The following PPP1R13B variants were observed in gnomAD, a reference collection of about 807,000 sequenced individuals.
PPP1R13B encodes protein phosphatase 1 regulatory subunit 13B.
In PPP1R13B, 44 loss-of-function variants were observed where a neutral mutation model predicts 119.8. That is an observed-to-expected ratio of 0.37 (90% confidence interval 0.29 to 0.47). The LOEUF (loss-of-function observed/expected upper bound fraction) is 0.47, where lower values mean the gene tolerates loss of function less well. PPP1R13B is among the 20% of genes least tolerant of loss of function. The pLI is 0.99. For missense variants in PPP1R13B, 1,227 were observed against 1,413.5 expected, an observed-to-expected ratio of 0.87 and a Z score of 2.12; for synonymous variants, 542 against 561.5, an observed-to-expected ratio of 0.97 and a Z score of 0.49.
intron 2 of PPP1R13B, among the ~76,000 whole-genome samples, chr14:103,795,905 A>T (rs1284075368): frequency 6.6e-6 from 1 of 152,194 alleles, no homozygotes; most frequent in Admixed American, 6.5e-5. Flanking sequence ...TTGCAAAAAA[A>T]TTGTAATTTA....
At chr14:103,765,677 T>C (rs2084920957) in intron 4 of PPP1R13B, among the ~76,000 whole-genome samples, 1 of 152,180 alleles carries the variant, frequency 6.6e-6, no homozygotes, top group South Asian at 2.1e-4. Context: ...CTGCCCACAG[T>C]GCCCTTCCCC....
intron 1 of PPP1R13B, among the ~76,000 whole-genome samples, chr14:103,827,888 C>T (rs759388928): frequency 6.6e-6 from 1 of 151,970 alleles, no homozygotes; most frequent in Non-Finnish European, 1.5e-5. Context: ...CTAGTTATCC[C>T]ACAGAAGCCT....
intron 3 of PPP1R13B, among the ~76,000 whole-genome samples, chr14:103,779,953 C>T (rs2085299303): frequency 6.6e-6 from 1 of 151,552 alleles, no homozygotes; most frequent in African/African-American, 2.4e-5. Flanking sequence ...AGTTTGAGAC[C>T]AGCCTGCCCG....
At chr14:103,767,237 C>T (rs1354885976) in intron 4 of PPP1R13B, among the ~76,000 whole-genome samples, 1 of 152,126 alleles carries the variant, frequency 6.6e-6, no homozygotes, top group African/African-American at 2.4e-5. Context: ...ACTGCTTGAG[C>T]CCGGGGTTCC....
intron 1 of PPP1R13B, among the ~76,000 whole-genome samples, chr14:103,806,538 G>C (rs1384218328): frequency 6.6e-6 from 1 of 152,114 alleles, no homozygotes; most frequent in African/African-American, 2.4e-5. Flanking sequence ...CTTTCCAGCA[G>C]GCCACGCACC....
At chr14:103,817,174 G>A (rs1312600486) in intron 1 of PPP1R13B, among the ~76,000 whole-genome samples, 1 of 152,140 alleles carries the variant, frequency 6.6e-6, no homozygotes, top group Non-Finnish European at 1.5e-5. Flanking sequence ...CAGGCCTTGT[G>A]GAATCTAAAT....
In PPP1R13B at chr14:103,746,086, G is replaced by A. The variant is rs113333260; in HGVS notation, c.1150+287C>T. ...CTCCCAAAGTGCTGGGATTACAGGC[G>A]TGAGCCACTGCACCCGGCCCATGGA... is the stretch of plus-strand genomic sequence containing the variant. On this transcript the variant is annotated intron_variant, in intron 9 of 16. Transcript: ENST00000202556. Among the ~76,000 whole-genome samples the A allele has an allele frequency of 3.5e-3, 533 of 152,352 alleles. 4 individuals carry two copies. The highest frequency in any genetic ancestry group is 0.012 in the African/African-American group (514 of 41,572).
At chr14:103,744,840 C>G (rs888524748) in intron 9 of PPP1R13B, among the ~76,000 whole-genome samples, 8 of 152,212 alleles carry the variant, frequency 5.3e-5, no homozygotes, top group African/African-American at 1.7e-4. Flanking sequence ...GCACAGGTTC[C>G]CCGTGTCCAT....
rs1036604886 is a variant in PPP1R13B, at chr14:103,739,284, T to C, written c.2593-261A>G. 6.4e-5 allele frequency: 30 copies of C among 470,636 alleles called. No individual in the cohort carries two copies. The Middle Eastern group carries it at 2.2e-3, about 35-fold the overall frequency. 29.2% of individuals were successfully genotyped at this position (470,636 alleles called of 1,614,324 possible). ...AGGGACACGGCTGTGTTTGAGCTTC[T>C]GGCCACTCCTCGGAAGACTCTGTGG... On this transcript the variant is annotated intron_variant, in intron 12 of 16. Transcript: ENST00000202556.
intron 4 of PPP1R13B, among the ~76,000 whole-genome samples, chr14:103,760,464 C>CA (rs2151990641): frequency 6.6e-6 from 1 of 152,304 alleles, no homozygotes; most frequent in African/African-American, 2.4e-5. Context: ...AGCTCCAGGT[C>CA]ACACAGTGCA....
At chr14:103,819,499 T>G (rs370865075) in intron 1 of PPP1R13B, among the ~76,000 whole-genome samples, 16 of 122,080 alleles carry the variant, frequency 1.3e-4, no homozygotes, top group African/African-American at 4.8e-4. Flanking sequence ...ATCTGTCTAT[T>G]AAAAAAAACA....
At chr14:103,848,315 AG>A, upstream of PPP1R13B, 3 of 985,370 alleles carry the variant, frequency 3.0e-6, no homozygotes, top group Non-Finnish European at 2.4e-6. Context: ...GTCCCCGGGG[AG>A]GGTCCGGTCC....
chr14:103,838,283 A>C (rs1008952535), intron 1 of PPP1R13B, among the ~76,000 whole-genome samples: 1 of 152,136 alleles, frequency 6.6e-6, no homozygotes, highest in Admixed American at 6.6e-5. Flanking sequence ...GACCTTCCAC[A>C]TCATATCTTT....
At chr14:103,744,641 G>A (rs977018105) in intron 9 of PPP1R13B, among the ~76,000 whole-genome samples, 10 of 152,200 alleles carry the variant, frequency 6.6e-5, no homozygotes, top group East Asian at 1.9e-4. Context: ...AGAGGGCCGC[G>A]AGGAGCCATA....
At chr14:103,824,068 A>G (rs2086478490) in intron 1 of PPP1R13B, among the ~76,000 whole-genome samples, 1 of 91,310 alleles carries the variant, frequency 1.1e-5, no homozygotes, top group African/African-American at 4.6e-5. Context: ...TTTTTTTGAG[A>G]TGCAGTCTTG....
At chr14:103,808,954 G>A (rs1026795297) in intron 1 of PPP1R13B, among the ~76,000 whole-genome samples, 3 of 151,834 alleles carry the variant, frequency 2.0e-5, no homozygotes, top group Non-Finnish European at 4.4e-5. Context: ...CTGCACCCTC[G>A]AACTCCTAGG....
At chr14:103,773,356 C>T (rs1000502480) in intron 4 of PPP1R13B, among the ~76,000 whole-genome samples, 1 of 152,098 alleles carries the variant, frequency 6.6e-6, no homozygotes, top group Non-Finnish European at 1.5e-5. Context: ...GAGAATGTTC[C>T]AGAGCTGTTG....
intron 1 of PPP1R13B, among the ~76,000 whole-genome samples, chr14:103,799,220 G>C (rs540087509): frequency 2.0e-5 from 3 of 150,764 alleles, no homozygotes; most frequent in East Asian, 2.0e-4. Context: ...GCTCTGTCAC[G>C]CAGGCTGGAG....
chr14:103,798,993 TTTTG>T (rs71126071), intron 1 of PPP1R13B, among the ~76,000 whole-genome samples: 8 of 149,994 alleles, frequency 5.3e-5, no homozygotes, highest in African/African-American at 1.2e-4. Flanking sequence ...CCTGGTGTTT[TTTTG>T]TTTGTTTGTT....
Sources: gnomAD v4.1 joint callset for allele counts (sites outside exome capture counted in the v4.1 genomes callset) on GRCh38, gnomAD v4.1.1 for gene constraint, MANE v1.5 for transcripts, NCBI Gene and HGNC (gene_info 2026-07-23, HGNC 2026-07-21) for gene names.